Variants in DYNC1H1 observed in about 807,000 individuals in gnomAD.
The protein encoded by DYNC1H1 is dynein cytoplasmic 1 heavy chain 1.
Under a neutral mutation model 527.1 loss-of-function variants are expected in DYNC1H1, and 51 were observed. The ratio of observed to expected loss-of-function variants is 0.10; its 90% confidence interval spans 0.08 to 0.12. The LOEUF (loss-of-function observed/expected upper bound fraction) is 0.12, where lower values mean the gene tolerates loss of function less well. Among genes scored for constraint, DYNC1H1 ranks in the 10% least tolerant of loss-of-function variants. The pLI, the probability that DYNC1H1 is intolerant of heterozygous loss-of-function variation, is 1.00. For synonymous variants in DYNC1H1, 2,189 were observed against 2,278.8 expected (o/e 0.96, Z 1.12); for missense variants, 2,771 against 5,971.8 (o/e 0.46, Z 17.66).
intron 7 of DYNC1H1, among the ~76,000 whole-genome samples, chr14:101,984,925 T>C (rs1595600325): frequency 1.1e-5 from 1 of 95,058 alleles, no homozygotes; most frequent in African/African-American, 4.4e-5. Context: ...AGAGGGAGGC[T>C]CCGTCTCAAA....
chr14:101,997,268 T>C lies in DYNC1H1; in HGVS notation c.3798T>C (p.Pro1266=). ...DLLTDWEKTK[P]VTGNLRPEEA... is the part of the protein sequence containing the mutation. ...TGACTGACTGGGAGAAGACCAAGCC[T>C]GTCACGGTGAGTCCCGCCAGGTGGG... Residue 1266 remains proline, a synonymous_variant, in exon 16 of 78, where the codon CCT becomes CCC. Transcript: ENST00000360184. This position sits in a 1 kb window ranked among gnomAD's most constrained non-coding sequence, Gnocchi z 4.8. The C allele has an allele frequency of 6.2e-7, 1 of 1,614,146 alleles. No homozygotes were observed. Among genetic ancestry groups the C allele is most frequent in the Non-Finnish European group, 8.5e-7 (1 of 1,180,014 alleles).
intron 1 of DYNC1H1, among the ~76,000 whole-genome samples, chr14:101,968,318 T>A (rs1246579955): frequency 6.6e-6 from 1 of 151,654 alleles, no homozygotes; most frequent in East Asian, 1.9e-4. Context: ...TGAGACAGGG[T>A]CTCAACTGTG....
At chr14:101,970,173 T>C (rs1480923712) in intron 1 of DYNC1H1, among the ~76,000 whole-genome samples, 1 of 152,152 alleles carries the variant, frequency 6.6e-6, no homozygotes, top group Non-Finnish European at 1.5e-5. Context: ...ATATAAGTAT[T>C]ATATGGGGTT....
In DYNC1H1 at chr14:102,016,717, G is replaced by A. The variant is rs1390316951; in HGVS notation, c.7615-49G>A. ...GTGTTCAGGTAAACAAACCTCGTGAGGAGGCACCTTGGTTGCAGCCGGACT... is the reference window on the plus strand; with the variant it reads ...GTGTTCAGGTAAACAAACCTCGTGAAGAGGCACCTTGGTTGCAGCCGGACT... On this transcript the variant is annotated intron_variant, in intron 37 of 77. Coordinates refer to ENST00000360184, the MANE Select transcript of DYNC1H1 (RefSeq NM_001376.5). The surrounding 1 kb of genome is among the most constrained non-coding windows in gnomAD (Gnocchi z 7.3). 1 of 1,593,850 alleles carries A rather than the reference G, an allele frequency of 6.3e-7. No individual in the cohort carries two copies. The highest frequency in any genetic ancestry group is 8.6e-7 in the Non-Finnish European group (1 of 1,169,300).
chr14:102,008,034 C>T (rs1240701298), intron 28 of DYNC1H1, 144 bp from the exon 29 acceptor site: 3 of 1,166,092 alleles, frequency 2.6e-6, no homozygotes, highest in African/African-American at 3.0e-5. Context: ...CTCATTTAAC[C>T]TTAGTTATGT....
intron 34 of DYNC1H1, among the ~76,000 whole-genome samples, chr14:102,014,568 G>C (rs1401282888): frequency 6.6e-6 from 1 of 151,176 alleles, no homozygotes; most frequent in African/African-American, 2.4e-5. Flanking sequence ...CAGCGTGCCT[G>C]CCTGGTCAGG....
chr14:102,015,314 C>G lies in DYNC1H1; in HGVS notation c.7224C>G (p.Ala2408=). 2 of 1,613,098 alleles carry G rather than the reference C, an allele frequency of 1.2e-6. No individual in the cohort carries two copies. The highest frequency in any genetic ancestry group is 1.7e-6 in the Non-Finnish European group (2 of 1,179,392). The part of the protein sequence containing the change: ...RKGKEDEGEE[A]ASPMLQIQRD... ...GCAAAGAGGATGAGGGGGAGGAGGC[C>G]GCTTCCCCCATGCTGCAGGTACGCC... The change falls in exon 35 of 78, where the codon GCC becomes GCG. Residue 2408 remains alanine, a synonymous_variant. Coordinates refer to ENST00000360184, the MANE Select transcript of DYNC1H1 (RefSeq NM_001376.5). This position sits in a 1 kb window ranked among gnomAD's most constrained non-coding sequence, Gnocchi z 6.9.
chr14:102,036,835 G>A lies in DYNC1H1; in HGVS notation c.10908+193G>A, dbSNP rs2048581187. On this transcript the variant is annotated intron_variant, in intron 57 of 77. Transcript: ENST00000360184. This position sits in a 1 kb window ranked among gnomAD's most constrained non-coding sequence, Gnocchi z 5.6. Reference sequence around the variant, plus strand: ...AAATTCTATTCAGTGGTCGGGCGAGGTGGCTCACACCTGTAATCTCAGCAC... The same window carrying A: ...AAATTCTATTCAGTGGTCGGGCGAGATGGCTCACACCTGTAATCTCAGCAC... 1 of 712,636 alleles carries A rather than the reference G, an allele frequency of 1.4e-6. No individual in the cohort carries two copies. Among genetic ancestry groups the A allele is most frequent in the Non-Finnish European group, 2.3e-6 (1 of 441,720 alleles). The allele number at this position is 712,636 out of a possible 1,614,324, so 44.1% of individuals were successfully genotyped here. A position where few individuals can be genotyped will look rare whatever the true frequency, so the allele number is the denominator to read the frequency against.
intron 56 of DYNC1H1, chr14:102,035,053 AC>A (rs2048557002): frequency 6.3e-6 from 1 of 158,658 alleles, no homozygotes. Flanking sequence ...ACATAGTGAA[AC>A]CCTATATCTA....
In DYNC1H1 at chr14:101,979,178, T is replaced by G. The variant is rs1595597247; in HGVS notation, c.345-141T>G. The G allele has an allele frequency of 1.5e-5, 12 of 793,434 alleles. No homozygotes were observed. The East Asian group carries it at 2.9e-4, about 19-fold the overall frequency. 49.1% of individuals were successfully genotyped at this position (793,434 alleles called of 1,614,324 possible). On this transcript the variant is annotated intron_variant, in intron 2 of 77. Transcript: ENST00000360184. This position sits in a 1 kb window ranked among gnomAD's most constrained non-coding sequence, Gnocchi z 4.6. ...GTAACCATAACCTTGATTCAGTAGCTCTCATGTACTAAAGAAAGACAAGCA... is the reference window on the plus strand; with the variant it reads ...GTAACCATAACCTTGATTCAGTAGCGCTCATGTACTAAAGAAAGACAAGCA...
rs11621558 is a variant in DYNC1H1 at position 101,965,315 on chromosome 14, A to G, written c.256+368A>G. 6.6e-6 allele frequency among the ~76,000 whole-genome samples: 1 copy of G among 152,176 alleles called. No homozygotes were observed. Among genetic ancestry groups the G allele is most frequent in the Admixed American group, 6.5e-5 (1 of 15,290 alleles). On this transcript the variant is annotated intron_variant, in intron 1 of 77. Coordinates refer to ENST00000360184, the MANE Select transcript of DYNC1H1 (RefSeq NM_001376.5). The surrounding 1 kb of genome is among the most constrained non-coding windows in gnomAD (Gnocchi z 4.1). ...CTCAAGATGGCCGAGTTGGGTGGAGACAGCGTCTCCCTGGGCTGAGAGCGG... is the reference window on the plus strand; with the variant it reads ...CTCAAGATGGCCGAGTTGGGTGGAGGCAGCGTCTCCCTGGGCTGAGAGCGG...
At chr14:102,030,031 T>G in intron 50 of DYNC1H1, 93 bp downstream of exon 50, 1 of 1,606,952 alleles carries the variant, frequency 6.2e-7, no homozygotes. Context: ...GGTCTTAGGG[T>G]TAGAGAGAGG....
chr14:102,036,393 A>G lies in DYNC1H1; in HGVS notation c.10755-96A>G, dbSNP rs1211393339. The G allele has an allele frequency of 1.2e-5, 19 of 1,546,398 alleles. No individual in the cohort carries two copies. The highest frequency in any genetic ancestry group is 2.3e-4 in the Middle Eastern group (1 of 4,338). On this transcript the variant is annotated intron_variant, in intron 56 of 77. Coordinates refer to ENST00000360184, the MANE Select transcript of DYNC1H1 (RefSeq NM_001376.5). This position sits in a 1 kb window ranked among gnomAD's most constrained non-coding sequence, Gnocchi z 5.6. ...CACTCTCGGGTGGTGGTAACAGCCTATCAATCAGGGTCTCTCATCAGGGAC... is the reference window on the plus strand; with the variant it reads ...CACTCTCGGGTGGTGGTAACAGCCTGTCAATCAGGGTCTCTCATCAGGGAC...
chr14:102,045,620 A>T (rs531782844), intron 72 of DYNC1H1, among the ~76,000 whole-genome samples: 1 of 152,312 alleles, frequency 6.6e-6, no homozygotes, highest in Non-Finnish European at 1.5e-5. Flanking sequence ...CAAAAAAGAA[A>T]AAAGAAAATC....
Position 101,986,849 on chromosome 14 carries a change from A to G in DYNC1H1, c.2538+86A>G. ...TCAGTTAAAACACTAGTTCTCCCGAAGAAGGCATGCATGGTTGATGCAGCA... is the reference window on the plus strand; with the variant it reads ...TCAGTTAAAACACTAGTTCTCCCGAGGAAGGCATGCATGGTTGATGCAGCA... On this transcript the variant is annotated intron_variant, in intron 8 of 77. Transcript: ENST00000360184. The surrounding 1 kb of genome is among the most constrained non-coding windows in gnomAD (Gnocchi z 8.7). The G allele has an allele frequency of 6.8e-7, 1 of 1,478,720 alleles. No individual in the cohort carries two copies. The highest frequency in any genetic ancestry group is 9.4e-7 in the Non-Finnish European group (1 of 1,060,370). 91.6% of individuals were successfully genotyped at this position (1,478,720 alleles called of 1,614,324 possible). A position where few individuals can be genotyped will look rare whatever the true frequency, so the allele number is the denominator to read the frequency against.
chr14:102,010,637 A>T lies in DYNC1H1; in HGVS notation c.6406-103A>T, dbSNP rs1454294021. ...ACGAATGTGGGCGAGTGGTGCTCGC[A>T]CCCTTTGTTCACCAACAGTTACTGA... On this transcript the variant is annotated intron_variant, in intron 31 of 77. Transcript: ENST00000360184. The surrounding 1 kb of genome is among the most constrained non-coding windows in gnomAD (Gnocchi z 6.0). 1.3e-6 allele frequency: 2 copies of T among 1,537,404 alleles called. No individual in the cohort carries two copies. The highest frequency in any genetic ancestry group is 1.8e-5 in the Admixed American group (1 of 56,664).
chr14:101,965,468 G>T lies in DYNC1H1; in HGVS notation c.256+521G>T, dbSNP rs533766194. Among the ~76,000 whole-genome samples the T allele has an allele frequency of 4.9e-4, 75 of 152,338 alleles. No homozygotes were observed. In the Middle Eastern group the frequency reaches 0.01, roughly 21 times the overall value. On this transcript the variant is annotated intron_variant, in intron 1 of 77. Transcript: ENST00000360184. This position sits in a 1 kb window ranked among gnomAD's most constrained non-coding sequence, Gnocchi z 4.1. Reference sequence around the variant, plus strand: ...GGAGCTGGGGGCAGCCGGGGTTCTGGTTCGGGAGGAGGTCGGGCGGGTGTC... The same window carrying T: ...GGAGCTGGGGGCAGCCGGGGTTCTGTTTCGGGAGGAGGTCGGGCGGGTGTC...
chr14:102,001,644 A>G lies in DYNC1H1; in HGVS notation c.4505A>G (p.Asn1502Ser), dbSNP rs768457729. 5 of 1,614,094 alleles carry G rather than the reference A, an allele frequency of 3.1e-6. No homozygotes were observed. The highest frequency in any genetic ancestry group is 1.1e-5 in the South Asian group (1 of 91,090). Residue 1502 changes from asparagine (N) to serine (S), a missense_variant, in exon 21 of 78, where the codon AAC becomes AGC. This residue lies in a region of DYNC1H1 where 223 missense variants were observed against 462.5 expected (regional missense o/e 0.48). Coordinates refer to ENST00000360184, the MANE Select transcript of DYNC1H1 (RefSeq NM_001376.5). The surrounding 1 kb of genome is among the most constrained non-coding windows in gnomAD (Gnocchi z 5.0). ...TTCAACAAGGTCAAAGAACACATCA[A>G]CAGCGTCTCGGCCATGAAGCTCTCT... ...DLFNKVKEHI[N>S]SVSAMKLSPY...
chr14:102,017,302 T>G lies in DYNC1H1; in HGVS notation c.8055+8T>G. On this transcript the variant is annotated splice_region_variant and intron_variant, in intron 39 of 77. Coordinates refer to ENST00000360184, the MANE Select transcript of DYNC1H1 (RefSeq NM_001376.5). This position sits in a 1 kb window ranked among gnomAD's most constrained non-coding sequence, Gnocchi z 4.6. ...ATATCCTTCATCAGACAGGTTTGTT[T>G]CTATCCACAAGGCCCTTCCTGCCCC... The G allele has an allele frequency of 6.2e-7, 1 of 1,614,250 alleles. No individual in the cohort carries two copies. Among genetic ancestry groups the G allele is most frequent in the Non-Finnish European group, 8.5e-7 (1 of 1,180,034 alleles).
Sources: gnomAD v4.1 joint callset for allele counts (sites outside exome capture counted in the v4.1 genomes callset) on GRCh38, gnomAD v4.1.1 for gene constraint, gnomAD v4.1.1 regional missense constraint, Gnocchi (gnomAD v3.1) non-coding constraint, MANE v1.5 for transcripts, NCBI Gene and HGNC (gene_info 2026-07-23, HGNC 2026-07-21) for gene names.